Variants in NCAM1 observed in about 807,000 individuals in gnomAD.
NCAM1 encodes neural cell adhesion molecule 1, also known as antigen recognized by monoclonal antibody 5.1H11.
A neutral mutation model predicts 109.8 loss-of-function variants in NCAM1; 14 were observed. The ratio of observed to expected loss-of-function variants is 0.13; its 90% confidence interval spans 0.08 to 0.20. The LOEUF (loss-of-function observed/expected upper bound fraction) is 0.20, where lower values mean the gene tolerates loss of function less well. Ranked by LOEUF, NCAM1 falls within the 10% of genes least tolerant of loss-of-function variation. The pLI, the probability that NCAM1 is intolerant of heterozygous loss-of-function variation, is 1.00. For synonymous variants in NCAM1, 418 were observed against 442.9 expected (o/e 0.94, Z 0.70); for missense variants, 774 against 1,109.9 (o/e 0.70, Z 4.30).
chr11:113,185,522 G>A lies in NCAM1; in HGVS notation c.53-16857G>A, dbSNP rs544192682. On this transcript the variant is annotated intron_variant, in intron 1 of 19. Coordinates refer to ENST00000316851, the MANE Select transcript of NCAM1 (RefSeq NM_181351.5). The stretch of plus-strand genomic sequence containing the variant: ...GGGCACCTTATGGCTCAGGAAAATT[G>A]ATGCATAAAATTAACCATCACAATC... Among the ~76,000 whole-genome samples, 3 of 152,162 alleles carry A rather than the reference G, an allele frequency of 2.0e-5. No individual in the cohort carries two copies. The South Asian group carries it at 6.2e-4, about 32-fold the overall frequency.
At position 113,277,929 on chromosome 11, in the gene NCAM1, A is replaced by ATCTT. The variant is rs1424398812; in HGVS notation, c.*2544_*2547dup. The stretch of plus-strand genomic sequence containing the variant: ...GAGTCATTTTATTCCAAGATGTTTT[A>ATCTT]TCTTTTATGTTAAGAGATCAAAGCT... On this transcript the variant is annotated 3_prime_UTR_variant, in exon 20 of 20. Coordinates refer to ENST00000316851, the MANE Select transcript of NCAM1 (RefSeq NM_181351.5). 2 of 129,026 alleles carry ATCTT rather than the reference A, an allele frequency of 1.6e-5. No individual in the cohort carries two copies. Among genetic ancestry groups the ATCTT allele is most frequent in the African/African-American group, 5.9e-5 (2 of 33,702 alleles). 8.0% of individuals were successfully genotyped at this position (129,026 alleles called of 1,614,324 possible).
At chr11:113,124,094 CT>C (rs1555096598) in intron 1 of NCAM1, among the ~76,000 whole-genome samples, 1 of 152,150 alleles carries the variant, frequency 6.6e-6, no homozygotes, top group South Asian at 2.1e-4. Context: ...CTTTCTCTTG[CT>C]TTAGTTGAAA....
intron 1 of NCAM1, chr11:113,132,962 A>G (rs1300287080): frequency 1.3e-5 from 2 of 152,212 alleles, no homozygotes; most frequent in African/African-American, 4.8e-5. Flanking sequence ...GGCCAGTGCC[A>G]TGGTTGTATG....
chr11:112,963,476 G>C lies in NCAM1; in HGVS notation c.52+1812G>C, dbSNP rs1486069601. The C allele has an allele frequency of 1.3e-5, 2 of 152,254 alleles. No individual in the cohort carries two copies. The highest frequency in any genetic ancestry group is 4.8e-5 in the African/African-American group (2 of 41,448). 9.4% of individuals were successfully genotyped at this position (152,254 alleles called of 1,614,324 possible). On this transcript the variant is annotated intron_variant, in intron 1 of 19. Transcript: ENST00000316851. The surrounding 1 kb of genome is among the most constrained non-coding windows in gnomAD (Gnocchi z 4.6). The stretch of plus-strand genomic sequence containing the variant: ...CGCGTGCGCTGACCGGCCGACCGCG[G>C]GCCGGGGGCTCTACTGACGGCGGGG...
At chr11:113,123,563 C>G (rs1941055297) in intron 1 of NCAM1, among the ~76,000 whole-genome samples, 1 of 152,192 alleles carries the variant, frequency 6.6e-6, no homozygotes, top group Non-Finnish European at 1.5e-5. Flanking sequence ...GGCTGCCATC[C>G]TCTCTCTGGA....
At chr11:112,966,373 T>C (rs1950728476) in intron 1 of NCAM1, among the ~76,000 whole-genome samples, 1 of 152,250 alleles carries the variant, frequency 6.6e-6, no homozygotes, top group Admixed American at 6.5e-5. Context: ...TGAGCAATGC[T>C]GTAAGAGATG....
intron 1 of NCAM1, among the ~76,000 whole-genome samples, chr11:113,080,518 T>C (rs934542862): frequency 1.3e-5 from 2 of 151,810 alleles, no homozygotes; most frequent in African/African-American, 4.8e-5. Flanking sequence ...ATGCGGGTGG[T>C]ATTCACATGC....
At chr11:113,047,678 G>A (rs115665089) in intron 1 of NCAM1, among the ~76,000 whole-genome samples, 3,217 of 152,190 alleles carry the variant, frequency 0.021, 108 homozygotes, top group African/African-American at 0.073. Flanking sequence ...GGTTTAATTG[G>A]CTCACAGTTC....
chr11:113,138,222 T>C (rs1328683175), intron 1 of NCAM1, among the ~76,000 whole-genome samples: 6 of 152,222 alleles, frequency 3.9e-5, no homozygotes, highest in African/African-American at 1.4e-4. Flanking sequence ...TTTCTCGACG[T>C]GCTGGCAGGT....
rs183540675 is a variant in NCAM1 at position 113,029,242 on chromosome 11, G to A, written c.52+67578G>A. Among the ~76,000 whole-genome samples, 380 of 152,264 alleles carry A rather than the reference G, an allele frequency of 2.5e-3. 4 individuals are homozygous for A. Among genetic ancestry groups the A allele is most frequent in the African/African-American group, 8.8e-3 (367 of 41,550 alleles). ...TGGGATGTGCTTCAGCAAAATAAGGGAGAAAATTAAGAAAGGAGGTGAGGA... is the reference window on the plus strand; with the variant it reads ...TGGGATGTGCTTCAGCAAAATAAGGAAGAAAATTAAGAAAGGAGGTGAGGA... On this transcript the variant is annotated intron_variant, in intron 1 of 19. Transcript: ENST00000316851.
intron 1 of NCAM1, among the ~76,000 whole-genome samples, chr11:113,158,991 T>G (rs943729142): frequency 6.6e-6 from 1 of 152,342 alleles, no homozygotes; most frequent in Non-Finnish European, 1.5e-5. Context: ...AATAGTTATC[T>G]CTAGAGACCA....
chr11:112,968,587 G>A (rs1041801162), intron 1 of NCAM1, among the ~76,000 whole-genome samples: 6 of 152,132 alleles, frequency 3.9e-5, no homozygotes, highest in Non-Finnish European at 7.4e-5. Context: ...GGAATACAGC[G>A]GTGAACTAAA....
chr11:113,248,127 T>C (rs1357367930), intron 15 of NCAM1, among the ~76,000 whole-genome samples: 1 of 152,092 alleles, frequency 6.6e-6, no homozygotes, highest in Non-Finnish European at 1.5e-5. Flanking sequence ...TTCCAGACAT[T>C]TTAAGCCAGG....
intron 1 of NCAM1, among the ~76,000 whole-genome samples, chr11:113,094,107 T>G (rs1939486039): frequency 6.6e-6 from 1 of 152,144 alleles, no homozygotes; most frequent in South Asian, 2.1e-4. Context: ...CTTTAGACAG[T>G]TAAGACGGCA....
intron 1 of NCAM1, among the ~76,000 whole-genome samples, chr11:113,127,525 C>A (rs193001115): frequency 2.0e-5 from 3 of 152,276 alleles, no homozygotes; most frequent in Non-Finnish European, 4.4e-5. Context: ...AATGCAACAC[C>A]TTTTAAGGCA....
intron 7 of NCAM1, among the ~76,000 whole-genome samples, chr11:113,209,243 AAGG>A (rs1555113345): frequency 6.6e-6 from 1 of 152,212 alleles, no homozygotes; most frequent in Non-Finnish European, 1.5e-5. Context: ...CCAGCCTGAT[AAGG>A]AGAACTGTTC....
At chr11:112,988,558 T>C (rs1951371386) in intron 1 of NCAM1, among the ~76,000 whole-genome samples, 1 of 152,174 alleles carries the variant, frequency 6.6e-6, no homozygotes, top group Admixed American at 6.5e-5. Flanking sequence ...CTGAGGATAG[T>C]GTTCTTGATT....
At chr11:113,194,384 G>A (rs2136769293) in intron 1 of NCAM1, among the ~76,000 whole-genome samples, 1 of 152,268 alleles carries the variant, frequency 6.6e-6, no homozygotes, top group African/African-American at 2.4e-5. Flanking sequence ...AAGAGTCATA[G>A]GATTTGGGGG....
chr11:113,263,114 T>C (rs1555123717), intron 17 of NCAM1: 8 of 1,305,520 alleles, frequency 6.1e-6, no homozygotes, highest in Non-Finnish European at 7.8e-6. Context: ...CAGATACTTT[T>C]GTGCCACTTC....
Sources: allele counts gnomAD v4.1 joint callset (sites outside exome capture counted in the v4.1 genomes callset), GRCh38; gene constraint gnomAD v4.1.1; non-coding constraint Gnocchi (gnomAD v3.1); transcripts MANE v1.5; gene names NCBI Gene and HGNC (gene_info 2026-07-23, HGNC 2026-07-21).